The following CSNK2A2IP variants were observed in gnomAD, a reference collection of about 807,000 sequenced individuals.
CSNK2A2IP encodes casein kinase 2 subunit alpha' interacting protein.
chr3:88,415,184 A>G, the CSNK2A2IP span, among the ~76,000 whole-genome samples: 17 of 151,992 alleles, frequency 1.1e-4, no homozygotes, highest in African/African-American at 3.1e-4. Context: ...TATTTCATTT[A>G]TTGACTTAAA....
the CSNK2A2IP span, among the ~76,000 whole-genome samples, chr3:88,398,978 G>C: frequency 6.6e-6 from 1 of 152,080 alleles, no homozygotes; most frequent in Non-Finnish European, 1.5e-5. Flanking sequence ...TATAGAAATA[G>C]TAACTATCTT....
the CSNK2A2IP span, among the ~76,000 whole-genome samples, chr3:88,377,586 G>A: frequency 1.3e-5 from 2 of 151,390 alleles, no homozygotes; most frequent in Non-Finnish European, 2.9e-5. Context: ...TGATCATGTT[G>A]TAAATATTAA....
At chr3:88,460,968 T>C in the CSNK2A2IP span, among the ~76,000 whole-genome samples, 1 of 151,864 alleles carries the variant, frequency 6.6e-6, no homozygotes, top group South Asian at 2.1e-4. Flanking sequence ...ATGCCTGTAA[T>C]CCCAGCTGCT....
At chr3:88,461,975 G>A in the CSNK2A2IP span, among the ~76,000 whole-genome samples, 216 of 151,992 alleles carry the variant, frequency 1.4e-3, no homozygotes, top group Non-Finnish European at 2.4e-3. Context: ...TTTTAATGAA[G>A]CCGAGGTTTT....
chr3:88,339,876 A>G, the CSNK2A2IP span, among the ~76,000 whole-genome samples: 1 of 151,980 alleles, frequency 6.6e-6, no homozygotes, highest in Non-Finnish European at 1.5e-5. Flanking sequence ...TTTAAGACCT[A>G]TTGAAGTAGT....
the CSNK2A2IP span, among the ~76,000 whole-genome samples, chr3:88,434,484 C>T: frequency 6.6e-6 from 1 of 152,160 alleles, no homozygotes; most frequent in Non-Finnish European, 1.5e-5. Context: ...TTAGGATAGG[C>T]AAAGTCAGAA....
the CSNK2A2IP span, among the ~76,000 whole-genome samples, chr3:88,452,149 A>G: frequency 2.6e-4 from 39 of 150,982 alleles, 1 homozygote; most frequent in East Asian, 7.1e-3. Flanking sequence ...CTAATCTCCA[A>G]TCTTTCTCAT....
chr3:88,410,889 A>C, the CSNK2A2IP span, among the ~76,000 whole-genome samples: 1 of 152,034 alleles, frequency 6.6e-6, no homozygotes, highest in Non-Finnish European at 1.5e-5. Flanking sequence ...GAAGCAAAAC[A>C]AACACCAATT....
chr3:88,385,153 G>A, the CSNK2A2IP span, among the ~76,000 whole-genome samples: 1 of 152,124 alleles, frequency 6.6e-6, no homozygotes, highest in Non-Finnish European at 1.5e-5. Flanking sequence ...AGTGACTCAA[G>A]GTAGAATCCT....
At chr3:88,398,665 G>C in the CSNK2A2IP span, among the ~76,000 whole-genome samples, 1 of 152,134 alleles carries the variant, frequency 6.6e-6, no homozygotes, top group Non-Finnish European at 1.5e-5. Flanking sequence ...TGTCAGATAT[G>C]AAAGTCAGGA....
the CSNK2A2IP span, among the ~76,000 whole-genome samples, chr3:88,378,962 C>A: frequency 2.0e-5 from 3 of 151,960 alleles, no homozygotes; most frequent in African/African-American, 4.8e-5. Context: ...AAATGCTTAT[C>A]ATAAAAACTT....
the CSNK2A2IP span, among the ~76,000 whole-genome samples, chr3:88,404,658 T>C: frequency 6.7e-6 from 1 of 149,124 alleles, no homozygotes; most frequent in Non-Finnish European, 1.5e-5. Flanking sequence ...ACTCCATCAT[T>C]CTGAGTTGTA....
chr3:88,447,013 T>A, the CSNK2A2IP span, among the ~76,000 whole-genome samples: 2 of 152,184 alleles, frequency 1.3e-5, no homozygotes, highest in African/African-American at 4.8e-5. Context: ...CTTGATAAAA[T>A]TATCACATTG....
the CSNK2A2IP span, among the ~76,000 whole-genome samples, chr3:88,349,320 A>G: frequency 2.0e-5 from 3 of 152,024 alleles, no homozygotes; most frequent in African/African-American, 7.2e-5. Context: ...ACAGTCCACT[A>G]TATTGCTCTG....
At chr3:88,412,053 A>G in the CSNK2A2IP span, among the ~76,000 whole-genome samples, 1 of 151,930 alleles carries the variant, frequency 6.6e-6, no homozygotes, top group South Asian at 2.1e-4. Context: ...TGCCCTACAT[A>G]TAAAAATAAA....
the CSNK2A2IP span, among the ~76,000 whole-genome samples, chr3:88,408,707 C>G: frequency 1.3e-5 from 2 of 151,924 alleles, no homozygotes; most frequent in South Asian, 4.2e-4. Context: ...GAAAGGGGGG[C>G]CACTGTGATC....
chr3:88,360,049 T>G, the CSNK2A2IP span, among the ~76,000 whole-genome samples: 2 of 152,100 alleles, frequency 1.3e-5, no homozygotes, highest in Non-Finnish European at 2.9e-5. Context: ...CAGTGTTGGG[T>G]GTATATATAT....
the CSNK2A2IP span, chr3:88,466,943 T>C: frequency 8.1e-7 from 1 of 1,231,482 alleles, no homozygotes; most frequent in Non-Finnish European, 1.0e-6. Context: ...CCAGAGACTT[T>C]CTCATCTTGT....
the CSNK2A2IP span, among the ~76,000 whole-genome samples, chr3:88,378,028 G>A: frequency 0.038 from 5,721 of 151,894 alleles, 266 homozygotes; most frequent in African/African-American, 0.11. Context: ...ACTAAAAAAT[G>A]TTACCAGTTT....
Sources: gnomAD v4.1 joint callset for allele counts (sites outside exome capture counted in the v4.1 genomes callset) on GRCh38, gnomAD v4.1.1 for gene constraint, MANE v1.5 for transcripts, NCBI Gene and HGNC (gene_info 2026-07-23, HGNC 2026-07-21) for gene names.